The following TTC34 variants were observed in gnomAD, a reference collection of about 807,000 sequenced individuals.
TTC34 encodes tetratricopeptide repeat protein 34.
In TTC34, 44 loss-of-function variants were observed where a neutral mutation model predicts 40.7. The observed-to-expected ratio is 1.08, with a 90% CI of 0.85 to 1.39. The LOEUF (loss-of-function observed/expected upper bound fraction) is 1.39, where lower values mean the gene tolerates loss of function less well. Among genes scored for constraint, TTC34 ranks in the 40% most tolerant of loss-of-function variants. The probability of loss-of-function intolerance (pLI) is 0.00; values close to 1 mark genes in which losing one functional copy is unlikely to be tolerated. For missense variants in TTC34, 884 were observed against 838.0 expected, an observed-to-expected ratio of 1.05 and a Z score of -0.68; for synonymous variants, 422 against 398.6, an observed-to-expected ratio of 1.06 and a Z score of -0.70.
intron 6 of TTC34, among the ~76,000 whole-genome samples, chr1:2,648,332 C>T (rs1488684885): frequency 6.6e-6 from 1 of 152,206 alleles, no homozygotes; most frequent in Non-Finnish European, 1.5e-5. Flanking sequence ...CATTTTGGCC[C>T]TGCCAGGCTT....
chr1:2,785,780 C>T lies in TTC34; in HGVS notation c.2059+39G>A, dbSNP rs1176848572. On this transcript the variant is annotated intron_variant, in intron 5 of 8. Coordinates refer to ENST00000401095, the Ensembl canonical transcript of TTC34. Reference sequence around the variant, plus strand: ...GACTCCCCATGTCCCCTGTGCCTGGCACAAGACTGGGCCCTGGGGGCAGGT... The same window carrying T: ...GACTCCCCATGTCCCCTGTGCCTGGTACAAGACTGGGCCCTGGGGGCAGGT... The T allele has an allele frequency of 7.2e-6, 11 of 1,529,246 alleles. 1 individual carries two copies. The Admixed American group carries it at 1.8e-4, about 26-fold the overall frequency. The allele number at this position is 1,529,246 out of a possible 1,614,324, so 94.7% of individuals were successfully genotyped here.
At chr1:2,775,583 A>C (rs1426973447) in intron 6 of TTC34, 1 of 148,536 alleles carries the variant, frequency 6.7e-6, no homozygotes, top group Non-Finnish European at 1.5e-5. Flanking sequence ...GGCATGGGAC[A>C]GCACCCCCAC....
intron 4 of TTC34, among the ~76,000 whole-genome samples, 152 bp downstream of exon 4, chr1:2,787,329 G>A (rs185378317): frequency 3.3e-5 from 5 of 152,364 alleles, no homozygotes; most frequent in Admixed American, 2.0e-4. Flanking sequence ...GTAGGTGAGG[G>A]CCTGCAGCAG....
At chr1:2,794,836 T>A (rs1464655062) in intron 2 of TTC34, among the ~76,000 whole-genome samples, 1 of 152,226 alleles carries the variant, frequency 6.6e-6, no homozygotes, top group East Asian at 1.9e-4. Flanking sequence ...TTTCTGAATC[T>A]ACTGCAATGA....
intron 6 of TTC34, among the ~76,000 whole-genome samples, chr1:2,769,474 G>A (rs1171429157): frequency 3.2e-5 from 2 of 62,050 alleles, no homozygotes; most frequent in Non-Finnish European, 5.7e-5. Context: ...ACACCTCCAG[G>A]GGAGCATCTG....
At chr1:2,655,554 C>T (rs1443294917) in intron 6 of TTC34, among the ~76,000 whole-genome samples, 1 of 131,642 alleles carries the variant, frequency 7.6e-6, no homozygotes, top group Non-Finnish European at 1.5e-5. Context: ...CATCTGACAG[C>T]CTGCAACAGC....
chr1:2,687,601 C>A (rs1469020170), intron 6 of TTC34, among the ~76,000 whole-genome samples: 1 of 144,064 alleles, frequency 6.9e-6, no homozygotes, highest in African/African-American at 2.8e-5. Context: ...GGAACAGCAC[C>A]CACACCCCCA....
At chr1:2,686,772 A>G (rs1354866722) in intron 6 of TTC34, among the ~76,000 whole-genome samples, 1 of 139,980 alleles carries the variant, frequency 7.1e-6, no homozygotes. Context: ...CCCCCAGGTG[A>G]GCATGTGACA....
Position 2,784,545 on chromosome 1 carries a change from T to C in TTC34, c.2060-770A>G, listed in dbSNP as rs140589285. 8.9e-3 allele frequency among the ~76,000 whole-genome samples: 1,361 copies of C among 152,226 alleles called. 26 individuals carry two copies. Among genetic ancestry groups the C allele is most frequent in the African/African-American group, 0.031 (1,291 of 41,522 alleles). On this transcript the variant is annotated intron_variant, in intron 5 of 8. Transcript: ENST00000401095. ...CTCCCTTTCCCGGTCTGCTCAGTAATGGGTGCCTTCCCAGACACTGGTGTT... is the reference window on the plus strand; with the variant it reads ...CTCCCTTTCCCGGTCTGCTCAGTAACGGGTGCCTTCCCAGACACTGGTGTT...
intron 6 of TTC34, among the ~76,000 whole-genome samples, chr1:2,698,989 CA>C (rs1313828221): frequency 1.4e-5 from 2 of 140,194 alleles, no homozygotes; most frequent in Non-Finnish European, 3.2e-5. Context: ...GAGCATCTGA[CA>C]GCCTGGAAAG....
At chr1:2,662,467 C>T (rs1363016247) in intron 6 of TTC34, among the ~76,000 whole-genome samples, 54 of 97,784 alleles carry the variant, frequency 5.5e-4, no homozygotes, top group African/African-American at 1.7e-3. Context: ...CAGCCTGGAG[C>T]AGTGCCCAAA....
chr1:2,642,955 G>A (rs1294019905), intron 8 of TTC34, among the ~76,000 whole-genome samples: 1 of 152,230 alleles, frequency 6.6e-6, no homozygotes, highest in Non-Finnish European at 1.5e-5. Flanking sequence ...CCTCGCCTGC[G>A]GTGCGGCCCG....
intron 6 of TTC34, among the ~76,000 whole-genome samples, chr1:2,650,430 A>T (rs978046333): frequency 2.0e-5 from 3 of 151,824 alleles, no homozygotes; most frequent in Admixed American, 1.3e-4. Flanking sequence ...CCCACAGGTG[A>T]GTGTGTGACA....
intron 6 of TTC34, among the ~76,000 whole-genome samples, chr1:2,698,781 T>A (rs1640987103): frequency 6.9e-6 from 1 of 144,320 alleles, no homozygotes; most frequent in South Asian, 2.2e-4. Flanking sequence ...CAGGTGAACA[T>A]CCGACATCGT....
rs1249226268 is a variant in TTC34 at position 2,695,654 on chromosome 1, C to G, written c.2227-50091G>C. ...CCCACACCAACAGGTGAGCATCTGA[C>G]CGCCTGGAACAGCACCCACACCCCC... On this transcript the variant is annotated intron_variant, in intron 6 of 8. Coordinates refer to ENST00000401095, the Ensembl canonical transcript of TTC34. Among the ~76,000 whole-genome samples the G allele has an allele frequency of 4.5e-5, 5 of 111,264 alleles. 1 individual carries two copies. The highest frequency in any genetic ancestry group is 2.7e-4 in the Admixed American group (3 of 11,290). The allele number at this position is 111,264 out of a possible 152,430, so 73.0% of individuals were successfully genotyped here. A position where few individuals can be genotyped will look rare whatever the true frequency, so the allele number is the denominator to read the frequency against.
Position 2,645,161 on chromosome 1 carries a change from G to T in TTC34, c.2497+132C>A. The stretch of plus-strand genomic sequence containing the variant: ...CAGGGCCAGAGGTCATGGGATTTGG[G>T]GTGGAAGGGACCTTGGAAGCTGTTG... On this transcript the variant is annotated intron_variant, in intron 7 of 8. Transcript: ENST00000401095. The surrounding 1 kb of genome is among the most constrained non-coding windows in gnomAD (Gnocchi z 4.7). 8.8e-7 allele frequency: 1 copy of T among 1,136,186 alleles called. No homozygotes were observed. The highest frequency in any genetic ancestry group is 1.2e-6 in the Non-Finnish European group (1 of 860,328). 70.4% of individuals were successfully genotyped at this position (1,136,186 alleles called of 1,614,324 possible).
chr1:2,653,810 C>A (rs1357397346), intron 6 of TTC34, among the ~76,000 whole-genome samples: 5 of 151,412 alleles, frequency 3.3e-5, no homozygotes, highest in East Asian at 1.9e-4. Flanking sequence ...GTGCCCACAC[C>A]CCCAGGTGAG....
At chr1:2,700,208 A>AC (rs1186873354) in intron 6 of TTC34, among the ~76,000 whole-genome samples, 62 of 54,062 alleles carry the variant, frequency 1.1e-3, no homozygotes, top group African/African-American at 3.2e-3. Flanking sequence ...AGCAGCGCCG[A>AC]CCCCCCCAGG....
chr1:2,759,526 T>G, intron 6 of TTC34, among the ~76,000 whole-genome samples: 1 of 140,282 alleles, frequency 7.1e-6, no homozygotes, highest in African/African-American at 2.8e-5. Context: ...CACCCCCAGA[T>G]GAGCATCTGA....
Sources: gnomAD v4.1 joint callset for allele counts (sites outside exome capture counted in the v4.1 genomes callset) on GRCh38, gnomAD v4.1.1 for gene constraint, Gnocchi (gnomAD v3.1) non-coding constraint, MANE v1.5 for transcripts, NCBI Gene and HGNC (gene_info 2026-07-23, HGNC 2026-07-21) for gene names.